The following NCAM2 variants were observed in gnomAD, a reference collection of about 807,000 sequenced individuals.
NCAM2 encodes the protein neural cell adhesion molecule 2, also known as N-CAM-2.
In NCAM2, 30 loss-of-function variants were observed where a neutral mutation model predicts 98.1. That is an observed-to-expected ratio of 0.31 (90% CI 0.23 to 0.41). NCAM2 has a LOEUF of 0.41. NCAM2 is among the 10% of genes least tolerant of loss of function. The pLI, the probability that NCAM2 is intolerant of heterozygous loss-of-function variation, is 1.00. For synonymous variants in NCAM2, 368 were observed against 342.4 expected (o/e 1.07, Z -0.83); for missense variants, 867 against 1,005.8 (o/e 0.86, Z 1.87).
At chr21:21,143,965 T>A (rs759893140) in intron 1 of NCAM2, among the ~76,000 whole-genome samples, 28 of 152,160 alleles carry the variant, frequency 1.8e-4, no homozygotes, top group Admixed American at 4.6e-4. Flanking sequence ...GTTATTTGTT[T>A]CACAACGTTT....
chr21:21,073,024 C>T (rs1398442046), intron 1 of NCAM2, among the ~76,000 whole-genome samples: 1 of 152,120 alleles, frequency 6.6e-6, no homozygotes, highest in African/African-American at 2.4e-5. Flanking sequence ...CTTTATGTCT[C>T]TCTGAATTTG....
intron 13 of NCAM2, 143 bp from the exon 14 acceptor site, chr21:21,468,519 A>G (rs1168305387): frequency 2.6e-5 from 19 of 738,756 alleles, no homozygotes; most frequent in Non-Finnish European, 1.4e-5. Context: ...TTCAGAAATT[A>G]TATCACAAAA....
chr21:21,374,247 T>A (rs1568992923), intron 9 of NCAM2, among the ~76,000 whole-genome samples: 1 of 151,848 alleles, frequency 6.6e-6, no homozygotes, highest in South Asian at 2.1e-4. Context: ...CTGAAAATGG[T>A]CTTTCTTTTT....
At chr21:21,103,596 GA>G (rs989709963) in intron 1 of NCAM2, among the ~76,000 whole-genome samples, 6 of 151,906 alleles carry the variant, frequency 3.9e-5, no homozygotes, top group South Asian at 2.1e-4. Flanking sequence ...GCTATCGAGG[GA>G]AAAAAATCCA....
chr21:21,529,059 A>G (rs2146410579), intron 16 of NCAM2, among the ~76,000 whole-genome samples: 1 of 152,278 alleles, frequency 6.6e-6, no homozygotes, highest in Non-Finnish European at 1.5e-5. Context: ...ATGTAAAATG[A>G]AAATATCATG....
chr21:21,017,761 C>T (rs1006399382), intron 1 of NCAM2, among the ~76,000 whole-genome samples: 4 of 151,996 alleles, frequency 2.6e-5, no homozygotes, highest in African/African-American at 9.7e-5. Context: ...CAGGCACTTG[C>T]ATTAACACTG....
chr21:21,509,147 T>A, intron 16 of NCAM2, 92 bp downstream of exon 16: 2 of 1,240,906 alleles, frequency 1.6e-6, no homozygotes, highest in Non-Finnish European at 2.3e-6. Flanking sequence ...GGTAAAGGAG[T>A]AGGGTAAAGA....
chr21:21,160,696 A>T (rs911552063), intron 1 of NCAM2, among the ~76,000 whole-genome samples: 1 of 152,030 alleles, frequency 6.6e-6, no homozygotes. Context: ...TGTATGCAAG[A>T]CAATACTGAG....
chr21:21,191,466 A>G (rs1031651953), intron 1 of NCAM2, among the ~76,000 whole-genome samples: 1 of 152,190 alleles, frequency 6.6e-6, no homozygotes, highest in Admixed American at 6.5e-5. Flanking sequence ...TCTTAGCACA[A>G]ACTTACATGC....
At chr21:21,054,859 A>G (rs1471661666) in intron 1 of NCAM2, among the ~76,000 whole-genome samples, 1 of 151,984 alleles carries the variant, frequency 6.6e-6, no homozygotes, top group Non-Finnish European at 1.5e-5. Context: ...TCCTGCAGAA[A>G]AGTCCAGGAT....
chr21:21,474,252 AT>A (rs1984858062), intron 14 of NCAM2, among the ~76,000 whole-genome samples: 1 of 152,018 alleles, frequency 6.6e-6, no homozygotes, highest in African/African-American at 2.4e-5. Flanking sequence ...AATGTAATTG[AT>A]TTATGCTGGG....
intron 1 of NCAM2, among the ~76,000 whole-genome samples, chr21:21,255,283 T>C (rs1434166660): frequency 6.6e-6 from 1 of 152,150 alleles, no homozygotes; most frequent in African/African-American, 2.4e-5. Context: ...CTGTGAGCTG[T>C]GCTCTATTTA....
intron 16 of NCAM2, among the ~76,000 whole-genome samples, chr21:21,530,995 G>A (rs1004797858): frequency 6.6e-6 from 1 of 151,796 alleles, no homozygotes; most frequent in Non-Finnish European, 1.5e-5. Flanking sequence ...TGACAATCTG[G>A]TAAGTAAAAG....
chr21:21,492,314 T>C (rs1237441254), intron 15 of NCAM2, among the ~76,000 whole-genome samples: 1 of 151,916 alleles, frequency 6.6e-6, no homozygotes, highest in Non-Finnish European at 1.5e-5. Flanking sequence ...GTTCCTTTGC[T>C]ATTTTCTTGA....
intron 12 of NCAM2, among the ~76,000 whole-genome samples, chr21:21,449,308 G>C (rs999473552): frequency 6.6e-6 from 1 of 151,660 alleles, no homozygotes; most frequent in South Asian, 2.1e-4. Context: ...AATATTTCAT[G>C]AGTGTTTTAT....
intron 5 of NCAM2, among the ~76,000 whole-genome samples, chr21:21,311,262 A>G (rs1242559142): frequency 1.3e-5 from 2 of 152,000 alleles, no homozygotes; most frequent in Non-Finnish European, 2.9e-5. Context: ...TTGGGACATC[A>G]ATATGCTTTT....
At position 21,286,318 on chromosome 21, in the gene NCAM2, A is replaced by G. The variant is rs2073099264; in HGVS notation, c.387A>G (p.Gly129=). The change falls in exon 4 of 18, where the codon GGA becomes GGG. Residue 129 remains glycine, a synonymous_variant. Transcript: ENST00000400546. ...EVVSPQEFKQ[G]EDAEVVCRVS... ...TATCTCCACAAGAATTCAAACAAGG[A>G]GAAGATGCAGAAGTGGTTTGCCGAG... 1 of 1,612,136 alleles carries G rather than the reference A, an allele frequency of 6.2e-7. No individual in the cohort carries two copies.
intron 4 of NCAM2, among the ~76,000 whole-genome samples, chr21:21,289,795 A>G (rs1279321505): frequency 2.0e-5 from 3 of 151,914 alleles, no homozygotes; most frequent in Non-Finnish European, 4.4e-5. Flanking sequence ...CATTAAAGGG[A>G]TTTAATCAAT....
At chr21:21,510,051 A>G (rs999135621) in intron 16 of NCAM2, among the ~76,000 whole-genome samples, 4 of 152,162 alleles carry the variant, frequency 2.6e-5, no homozygotes, top group African/African-American at 9.6e-5. Context: ...GGGTTCCACA[A>G]TTAACATTTT....
Sources: allele counts gnomAD v4.1 joint callset (sites outside exome capture counted in the v4.1 genomes callset), GRCh38; gene constraint gnomAD v4.1.1; transcripts MANE v1.5; gene names NCBI Gene and HGNC (gene_info 2026-07-23, HGNC 2026-07-21).